ERC1: variants seen among roughly 807,000 people sequenced by gnomAD.
ERC1 encodes the protein ELKS/RAB6-interacting/CAST family member 1, also known as RAB6 interacting protein 2.
ERC1 carries 56 observed loss-of-function variants against 132.0 expected under a neutral mutation model. The observed-to-expected ratio is 0.42, with a 90% CI of 0.34 to 0.53. The LOEUF (loss-of-function observed/expected upper bound fraction) is 0.53, where lower values mean the gene tolerates loss of function less well. Ranked by LOEUF, ERC1 falls within the 20% of genes least tolerant of loss-of-function variation. The pLI is 0.03. For missense variants in ERC1, 1,202 were observed against 1,349.9 expected, an observed-to-expected ratio of 0.89 and a Z score of 1.72; for synonymous variants, 478 against 476.1, an observed-to-expected ratio of 1.00 and a Z score of -0.05.
intron 1 of ERC1, among the ~76,000 whole-genome samples, chr12:992,982 C>T (rs1040608735): frequency 6.6e-6 from 1 of 152,140 alleles, no homozygotes; most frequent in Non-Finnish European, 1.5e-5. Context: ...GAGAAATATA[C>T]AGATAAGAAT....
intron 15 of ERC1, among the ~76,000 whole-genome samples, chr12:1,305,968 C>T (rs1164912057): frequency 2.0e-5 from 3 of 152,182 alleles, no homozygotes; most frequent in African/African-American, 4.8e-5. Flanking sequence ...GTACTTCCTG[C>T]TCTTCATCTC....
At chr12:1,064,738 G>A (rs1938747580) in intron 2 of ERC1, among the ~76,000 whole-genome samples, 1 of 152,166 alleles carries the variant, frequency 6.6e-6, no homozygotes, top group African/African-American at 2.4e-5. Flanking sequence ...TGGCAATAAT[G>A]TACCTTAGAG....
chr12:1,269,407 G>T (rs1264987732), intron 14 of ERC1, among the ~76,000 whole-genome samples: 1 of 152,152 alleles, frequency 6.6e-6, no homozygotes, highest in Non-Finnish European at 1.5e-5. Flanking sequence ...CAATCATAAT[G>T]GTAATAAGGT....
chr12:1,341,063 C>CTTTTTCTTTT (rs2083799092), intron 15 of ERC1, among the ~76,000 whole-genome samples: 1 of 45,160 alleles, frequency 2.2e-5, no homozygotes, highest in Admixed American at 3.2e-4. Context: ...TTATTCTTTT[C>CTTTTTCTTTT]TTTTTCTTTT....
rs560687317 is a variant in ERC1 at position 1,019,373 on chromosome 12, C to T, written c.-156-8375C>T. ...CTCCTTAGCTCAAGTGATCATCCTG[C>T]CTCGGGTTCCCGAAGTGCTGGGGTT... On this transcript the variant is annotated intron_variant, in intron 1 of 18. Coordinates refer to ENST00000360905, the MANE Select transcript of ERC1 (RefSeq NM_178040.4). Among the ~76,000 whole-genome samples the T allele has an allele frequency of 1.4e-4, 21 of 152,332 alleles. 1 individual carries two copies. The highest frequency in any genetic ancestry group is 1.4e-3 in the Admixed American group (21 of 15,304).
chr12:1,403,667 A>G (rs555339877), intron 16 of ERC1, among the ~76,000 whole-genome samples: 1 of 152,250 alleles, frequency 6.6e-6, no homozygotes, highest in East Asian at 1.9e-4. Flanking sequence ...GTCCACTTGG[A>G]TCAGTTTTTT....
intron 16 of ERC1, among the ~76,000 whole-genome samples, chr12:1,374,940 A>T (rs2087712272): frequency 6.6e-6 from 1 of 151,678 alleles, no homozygotes; most frequent in Admixed American, 6.6e-5. Context: ...TTACAACTAC[A>T]ATTTTGTAAT....
rs564178869 is a variant in ERC1 at position 1,279,121 on chromosome 12, G to C, written c.2620-10731G>C. 3.9e-4 allele frequency among the ~76,000 whole-genome samples: 59 copies of C among 152,118 alleles called. No individual in the cohort carries two copies. In the South Asian group the frequency reaches 4.1e-3, roughly 11 times the overall value. On this transcript the variant is annotated intron_variant, in intron 14 of 18. Transcript: ENST00000360905. ...AAGCTAAAGATCTTTAGATTCATTT[G>C]CCCTGATCTCCTATTTTCTTATTTC...
At chr12:1,096,670 A>C (rs1294141527) in intron 3 of ERC1, among the ~76,000 whole-genome samples, 2 of 152,242 alleles carry the variant, frequency 1.3e-5, no homozygotes, top group Admixed American at 6.5e-5. Context: ...GTTGGGATGG[A>C]AGAAAACAAA....
intron 15 of ERC1, among the ~76,000 whole-genome samples, chr12:1,364,409 G>A (rs1489731292): frequency 6.6e-6 from 1 of 152,050 alleles, no homozygotes; most frequent in African/African-American, 2.4e-5. Context: ...GCATTTTTGT[G>A]TACCCTCTGC....
At chr12:1,052,774 AG>A (rs1972249229) in intron 2 of ERC1, among the ~76,000 whole-genome samples, 1 of 152,198 alleles carries the variant, frequency 6.6e-6, no homozygotes, top group African/African-American at 2.4e-5. Context: ...GTTCAAGATC[AG>A]CCTGGCCAAC....
At chr12:1,145,114 T>C (rs555838310) in intron 8 of ERC1, among the ~76,000 whole-genome samples, 1 of 152,104 alleles carries the variant, frequency 6.6e-6, no homozygotes, top group South Asian at 2.1e-4. Context: ...TCTCCCGGGT[T>C]CAAGCAATTC....
At chr12:1,113,241 C>G (rs1224997364) in intron 6 of ERC1, among the ~76,000 whole-genome samples, 1 of 152,134 alleles carries the variant, frequency 6.6e-6, no homozygotes, top group Non-Finnish European at 1.5e-5. Flanking sequence ...CCCATGGACC[C>G]ATGGATACCG....
intron 7 of ERC1, among the ~76,000 whole-genome samples, chr12:1,131,259 G>A (rs540509104): frequency 1.8e-4 from 28 of 152,236 alleles, no homozygotes; most frequent in Non-Finnish European, 7.4e-5. Flanking sequence ...TGAGATGTGA[G>A]GAGGAGGAAA....
At chr12:1,265,612 G>A (rs1250374891) in intron 14 of ERC1, among the ~76,000 whole-genome samples, 3 of 152,006 alleles carry the variant, frequency 2.0e-5, no homozygotes, top group Non-Finnish European at 2.9e-5. Flanking sequence ...TTCACTTTTC[G>A]TGACGCACAG....
At chr12:1,484,054 C>T (rs1392958101) in intron 18 of ERC1, among the ~76,000 whole-genome samples, 6 of 145,800 alleles carry the variant, frequency 4.1e-5, no homozygotes, top group Non-Finnish European at 7.5e-5. Flanking sequence ...GCCTGTAATC[C>T]CAGCACTTTG....
intron 2 of ERC1, among the ~76,000 whole-genome samples, chr12:1,032,743 A>G (rs1851135504): frequency 6.6e-6 from 1 of 152,228 alleles, no homozygotes; most frequent in African/African-American, 2.4e-5. Context: ...AGTTGTCAGT[A>G]CAATACTGAC....
At chr12:1,355,415 T>C (rs948732897) in intron 15 of ERC1, among the ~76,000 whole-genome samples, 4 of 152,330 alleles carry the variant, frequency 2.6e-5, no homozygotes, top group Admixed American at 6.5e-5. Flanking sequence ...GCTTGCTGAT[T>C]CCTGCTTTAA....
chr12:997,984 G>T (rs1052921292), intron 1 of ERC1, among the ~76,000 whole-genome samples: 7 of 152,272 alleles, frequency 4.6e-5, no homozygotes, highest in Non-Finnish European at 8.8e-5. Flanking sequence ...CTATTGGCTT[G>T]TTATCATCAT....
Sources: gnomAD v4.1 joint callset for allele counts (sites outside exome capture counted in the v4.1 genomes callset) on GRCh38, gnomAD v4.1.1 for gene constraint, MANE v1.5 for transcripts, NCBI Gene and HGNC (gene_info 2026-07-23, HGNC 2026-07-21) for gene names.